UBE2QL1: variants seen among roughly 807,000 people sequenced by gnomAD.
UBE2QL1 encodes ubiquitin conjugating enzyme E2 QL1.
UBE2QL1 carries 5 observed loss-of-function variants against 12.6 expected under a neutral mutation model. The observed-to-expected ratio is 0.40, with a 90% CI of 0.21 to 0.83. The LOEUF (loss-of-function observed/expected upper bound fraction) is 0.83. Ranked by LOEUF, UBE2QL1 falls within the 40% of genes least tolerant of loss-of-function variation. The pLI is 0.37. For missense variants in UBE2QL1, 99 were observed against 222.6 expected (o/e 0.44, Z 3.53); for synonymous variants, 96 against 94.5 (o/e 1.02, Z -0.10).
chr5:6,469,278 C>T (rs2126348167), intron 1 of UBE2QL1, among the ~76,000 whole-genome samples: 1 of 152,240 alleles, frequency 6.6e-6, no homozygotes, highest in South Asian at 2.1e-4. Flanking sequence ...CAGGCCAATC[C>T]ATTCCAGATG....
Position 6,478,160 on chromosome 5 carries a change from A to C in UBE2QL1, c.355-13058A>C, listed in dbSNP as rs1215209509. Among the ~76,000 whole-genome samples the C allele has an allele frequency of 6.6e-6, 1 of 152,264 alleles. No homozygotes were observed. The highest frequency in any genetic ancestry group is 1.5e-5 in the Non-Finnish European group (1 of 68,040). On this transcript the variant is annotated intron_variant, in intron 1 of 1. Coordinates refer to ENST00000399816, the MANE Select transcript of UBE2QL1 (RefSeq NM_001145161.3). This position sits in a 1 kb window ranked among gnomAD's most constrained non-coding sequence, Gnocchi z 4.5. The stretch of plus-strand genomic sequence containing the variant: ...TATCTTTTATAGAGTTTGTGCCCAG[A>C]TCATATTTTCACACGGAAATTTTAC...
At chr5:6,489,638 A>C (rs1375197050) in intron 1 of UBE2QL1, among the ~76,000 whole-genome samples, 1 of 152,182 alleles carries the variant, frequency 6.6e-6, no homozygotes, top group Non-Finnish European at 1.5e-5. Context: ...GAATACAAGC[A>C]TATGAAATGG....
chr5:6,463,687 G>A (rs1437345338), intron 1 of UBE2QL1, among the ~76,000 whole-genome samples: 1 of 150,152 alleles, frequency 6.7e-6, no homozygotes, highest in Non-Finnish European at 1.5e-5. Context: ...GAGTGCAGTG[G>A]CGCGATCTCG....
chr5:6,490,846 C>T (rs531117135), intron 1 of UBE2QL1, among the ~76,000 whole-genome samples: 2 of 152,294 alleles, frequency 1.3e-5, no homozygotes, highest in African/African-American at 4.8e-5. Context: ...GGAGAGAATG[C>T]TTGGCTGTGA....
intron 1 of UBE2QL1, among the ~76,000 whole-genome samples, chr5:6,480,703 C>T (rs1579299533): frequency 6.6e-6 from 1 of 152,182 alleles, no homozygotes; most frequent in Non-Finnish European, 1.5e-5. Flanking sequence ...GTTTTGTAAG[C>T]GCCCATGAAC....
intron 1 of UBE2QL1, among the ~76,000 whole-genome samples, chr5:6,474,929 C>G (rs758949826): frequency 6.6e-6 from 1 of 152,174 alleles, no homozygotes; most frequent in Non-Finnish European, 1.5e-5. Flanking sequence ...TCTGTGCTTC[C>G]GTTTCTCCGT....
intron 1 of UBE2QL1, among the ~76,000 whole-genome samples, chr5:6,457,478 G>A (rs962974882): frequency 2.6e-5 from 4 of 152,110 alleles, no homozygotes; most frequent in Non-Finnish European, 5.9e-5. Flanking sequence ...CCAACACTTT[G>A]TTTGTGCCAA....
At chr5:6,473,353 T>C (rs1235806604) in intron 1 of UBE2QL1, among the ~76,000 whole-genome samples, 1 of 152,212 alleles carries the variant, frequency 6.6e-6, no homozygotes, top group Non-Finnish European at 1.5e-5. Flanking sequence ...TACAGGCCAG[T>C]GTCTGCTCTC....
In UBE2QL1 at chr5:6,478,078, TAG is replaced by T. The variant is rs754792014; in HGVS notation, c.355-13137_355-13136del. On this transcript the variant is annotated intron_variant, in intron 1 of 1. Coordinates refer to ENST00000399816, the MANE Select transcript of UBE2QL1 (RefSeq NM_001145161.3). This position sits in a 1 kb window ranked among gnomAD's most constrained non-coding sequence, Gnocchi z 4.5. Reference sequence around the variant, plus strand: ...AAGTAGGTGAAGTAAATAATCCATGTAGAGTCTTATTATTGCTGTGCTTTATT... The same window carrying T: ...AAGTAGGTGAAGTAAATAATCCATGTAGTCTTATTATTGCTGTGCTTTATT... Among the ~76,000 whole-genome samples the T allele has an allele frequency of 9.2e-5, 14 of 152,342 alleles. No homozygotes were observed. In the East Asian group the frequency reaches 2.5e-3, roughly 27 times the overall value.
chr5:6,489,758 G>A (rs1458555069), intron 1 of UBE2QL1, among the ~76,000 whole-genome samples: 1 of 152,228 alleles, frequency 6.6e-6, no homozygotes, highest in East Asian at 1.9e-4. Context: ...AGAGAGCCAG[G>A]ATCAGGTGGA....
At chr5:6,455,305 G>A (rs1171756880) in intron 1 of UBE2QL1, among the ~76,000 whole-genome samples, 1 of 152,100 alleles carries the variant, frequency 6.6e-6, no homozygotes, top group Non-Finnish European at 1.5e-5. Context: ...TCCACACCCA[G>A]GTTTAGAAGG....
At chr5:6,459,565 A>G (rs1739607986) in intron 1 of UBE2QL1, among the ~76,000 whole-genome samples, 1 of 152,220 alleles carries the variant, frequency 6.6e-6, no homozygotes, top group East Asian at 1.9e-4. Flanking sequence ...TCGTTGCACA[A>G]AACAAAATGC....
intron 1 of UBE2QL1, among the ~76,000 whole-genome samples, chr5:6,456,203 C>A (rs7380494): frequency 6.6e-6 from 1 of 152,320 alleles, no homozygotes; most frequent in African/African-American, 2.4e-5. Context: ...TGCTTTTGAC[C>A]TGCCAAGTGG....
At position 6,472,228 on chromosome 5, in the gene UBE2QL1, C is replaced by T. The variant is rs139244988; in HGVS notation, c.355-18990C>T. 1.1e-4 allele frequency among the ~76,000 whole-genome samples: 16 copies of T among 152,278 alleles called. No individual in the cohort carries two copies. In the East Asian group the frequency reaches 1.7e-3, roughly 17 times the overall value. On this transcript the variant is annotated intron_variant, in intron 1 of 1. Coordinates refer to ENST00000399816, the MANE Select transcript of UBE2QL1 (RefSeq NM_001145161.3). ...AGATGTGAATTGATCACATTTTGCT[C>T]ATCCACTCCCCTGGGGATGCCAGCA...
In UBE2QL1 at chr5:6,496,190, T is replaced by C. The variant is rs1734662326; in HGVS notation, c.*4841T>C. Among the ~76,000 whole-genome samples, 2 of 152,196 alleles carry C rather than the reference T, an allele frequency of 1.3e-5. No homozygotes were observed. Among genetic ancestry groups the C allele is most frequent in the Admixed American group, 6.5e-5 (1 of 15,280 alleles). ...ACTGCCCCCAACCGCCAATTCACCCTGTGTCTCTCGCAGAATTAAAGCCAG... is the reference window on the plus strand; with the variant it reads ...ACTGCCCCCAACCGCCAATTCACCCCGTGTCTCTCGCAGAATTAAAGCCAG... On this transcript the variant is annotated 3_prime_UTR_variant, in exon 2 of 2. Coordinates refer to ENST00000399816, the MANE Select transcript of UBE2QL1 (RefSeq NM_001145161.3).
intron 1 of UBE2QL1, among the ~76,000 whole-genome samples, chr5:6,454,858 C>T (rs757194358): frequency 5.3e-5 from 8 of 152,212 alleles, no homozygotes; most frequent in East Asian, 3.9e-4. Flanking sequence ...TTGCCACCAC[C>T]GATGACTGTG....
chr5:6,461,341 A>G (rs924644291), intron 1 of UBE2QL1, among the ~76,000 whole-genome samples: 8 of 152,176 alleles, frequency 5.3e-5, no homozygotes, highest in African/African-American at 1.9e-4. Context: ...TTCTCCCCCA[A>G]TCTGAAGACT....
At chr5:6,465,553 G>A (rs916971984) in intron 1 of UBE2QL1, among the ~76,000 whole-genome samples, 15 of 152,124 alleles carry the variant, frequency 9.9e-5, no homozygotes, top group Non-Finnish European at 1.8e-4. Context: ...TCTCAACCTC[G>A]GTTTCCACTC....
intron 1 of UBE2QL1, among the ~76,000 whole-genome samples, chr5:6,466,695 A>T (rs954319164): frequency 3.3e-5 from 5 of 152,264 alleles, no homozygotes; most frequent in Admixed American, 3.3e-4. Context: ...TTAGCCACAA[A>T]GCCAGGGCCG....
Sources: gnomAD v4.1 joint callset for allele counts (sites outside exome capture counted in the v4.1 genomes callset) on GRCh38, gnomAD v4.1.1 for gene constraint, Gnocchi (gnomAD v3.1) non-coding constraint, MANE v1.5 for transcripts, NCBI Gene and HGNC (gene_info 2026-07-23, HGNC 2026-07-21) for gene names.